The following LRRTM4 variants were observed in gnomAD, a reference collection of about 807,000 sequenced individuals.
LRRTM4 encodes the protein leucine-rich repeat transmembrane neuronal protein 4.
LRRTM4 carries 25 observed loss-of-function variants against 47.6 expected under a neutral mutation model. The ratio of observed to expected loss-of-function variants is 0.53; its 90% CI spans 0.38 to 0.73. LRRTM4 has a LOEUF of 0.73. Among genes scored for constraint, LRRTM4 ranks in the 30% least tolerant of loss-of-function variants. The probability of loss-of-function intolerance (pLI) is 0.00; values close to 1 mark genes in which losing one functional copy is unlikely to be tolerated. For missense variants in LRRTM4, 638 were observed against 713.4 expected (o/e 0.89, Z 1.20); for synonymous variants, 311 against 269.5 (o/e 1.15, Z -1.51).
In LRRTM4 at chr2:77,477,871, AAGAAAGAAAG is replaced by A. The variant is rs1214727893; in HGVS notation, c.1551+40437_1551+40446del. Among the ~76,000 whole-genome samples, 8 of 145,010 alleles carry A rather than the reference AAGAAAGAAAG, an allele frequency of 5.5e-5. 1 individual carries two copies. Among genetic ancestry groups the A allele is most frequent in the Non-Finnish European group, 1.2e-4 (8 of 66,544 alleles). ...AAAAAAAAAAAGAAAGAGAGAGAGA[AAGAAAGAAAG>A]AGAAAGAAAGAAAAAGAAAGAAAAA... On this transcript the variant is annotated intron_variant, in intron 3 of 3. Transcript: ENST00000409884.
intron 3 of LRRTM4, among the ~76,000 whole-genome samples, chr2:77,452,627 G>A (rs1290025800): frequency 6.6e-6 from 1 of 152,104 alleles, no homozygotes; most frequent in African/African-American, 2.4e-5. Flanking sequence ...TCCCGCACTT[G>A]GTTTATTGCT....
At chr2:76,779,177 C>T (rs145308283) in intron 3 of LRRTM4, among the ~76,000 whole-genome samples, 1,883 of 152,054 alleles carry the variant, frequency 0.012, 42 homozygotes, top group African/African-American at 0.042. Context: ...AGCTTTACTT[C>T]CAAGTATGTG....
chr2:77,362,518 A>C (rs1672281222), intron 3 of LRRTM4, among the ~76,000 whole-genome samples: 1 of 152,188 alleles, frequency 6.6e-6, no homozygotes, highest in South Asian at 2.1e-4. Flanking sequence ...CTATGATCAC[A>C]AGCTGGTGCT....
At chr2:77,193,029 AG>A (rs1380393678) in intron 3 of LRRTM4, among the ~76,000 whole-genome samples, 1 of 152,232 alleles carries the variant, frequency 6.6e-6, no homozygotes, top group Non-Finnish European at 1.5e-5. Context: ...TGGTCCCGTA[AG>A]ATTATAATAG....
chr2:77,424,283 A>G (rs1400540244), intron 3 of LRRTM4, among the ~76,000 whole-genome samples: 2 of 151,448 alleles, frequency 1.3e-5, no homozygotes, highest in Non-Finnish European at 2.9e-5. Context: ...AGAAGCAATC[A>G]CTAGAAAACT....
intron 3 of LRRTM4, among the ~76,000 whole-genome samples, chr2:77,215,540 G>A (rs935445150): frequency 6.6e-6 from 1 of 151,862 alleles, no homozygotes. Context: ...ACTATTCTTG[G>A]TATCTCCTCA....
intron 3 of LRRTM4, among the ~76,000 whole-genome samples, chr2:76,836,306 C>T (rs1671511046): frequency 6.6e-6 from 1 of 151,816 alleles, no homozygotes; most frequent in African/African-American, 2.4e-5. Context: ...AAAGCAAGAC[C>T]TAATCAAGTT....
intron 3 of LRRTM4, among the ~76,000 whole-genome samples, chr2:76,785,074 A>G (rs1485377892): frequency 6.6e-6 from 1 of 152,094 alleles, no homozygotes; most frequent in East Asian, 1.9e-4. Flanking sequence ...AGTCTGCAAT[A>G]AACTATTAAG....
intron 3 of LRRTM4, among the ~76,000 whole-genome samples, chr2:77,390,457 A>G (rs1209285798): frequency 6.6e-6 from 1 of 152,062 alleles, no homozygotes; most frequent in Non-Finnish European, 1.5e-5. Context: ...TTTCATACAA[A>G]TTGCACATTG....
chr2:77,229,901 C>G (rs1558644531), intron 3 of LRRTM4, among the ~76,000 whole-genome samples: 1 of 152,040 alleles, frequency 6.6e-6, no homozygotes. Context: ...AATATATCCC[C>G]CACTTGAACT....
At chr2:76,899,157 G>C (rs1329132023) in intron 3 of LRRTM4, among the ~76,000 whole-genome samples, 2 of 151,776 alleles carry the variant, frequency 1.3e-5, no homozygotes, top group Non-Finnish European at 2.9e-5. Context: ...ATATATATGA[G>C]TATGCATATA....
chr2:77,304,928 C>T (rs563219850), intron 3 of LRRTM4, among the ~76,000 whole-genome samples: 2 of 151,934 alleles, frequency 1.3e-5, no homozygotes, highest in Non-Finnish European at 2.9e-5. Flanking sequence ...GTTGTTAAAA[C>T]GATATCATTT....
intron 3 of LRRTM4, among the ~76,000 whole-genome samples, chr2:76,956,140 T>C (rs557723157): frequency 1.3e-5 from 2 of 151,682 alleles, no homozygotes; most frequent in African/African-American, 4.8e-5. Context: ...AGATATCCCA[T>C]ACAAATGATA....
chr2:77,357,273 C>T (rs554850257), intron 3 of LRRTM4, among the ~76,000 whole-genome samples: 1 of 151,970 alleles, frequency 6.6e-6, no homozygotes, highest in Non-Finnish European at 1.5e-5. Flanking sequence ...ATAAGAATAA[C>T]GTCTTACAAA....
intron 3 of LRRTM4, among the ~76,000 whole-genome samples, chr2:77,257,960 G>A (rs1313831182): frequency 6.6e-6 from 1 of 152,004 alleles, no homozygotes; most frequent in East Asian, 1.9e-4. Flanking sequence ...GCTGGGCGTG[G>A]TGGTGCATGC....
Position 77,055,957 on chromosome 2 carries a change from G to A in LRRTM4, c.1552-307041C>T, listed in dbSNP as rs573074225. Reference sequence around the variant, plus strand: ...TTGCAAGAACAAAAAACCAAACACCGCATATTCTCACTCATAGGTGGGAAT... The same window carrying A: ...TTGCAAGAACAAAAAACCAAACACCACATATTCTCACTCATAGGTGGGAAT... On this transcript the variant is annotated intron_variant, in intron 3 of 3. Coordinates refer to ENST00000409884, the MANE Select transcript of LRRTM4 (RefSeq NM_001134745.3). Among the ~76,000 whole-genome samples, 269 of 147,336 alleles carry A rather than the reference G, an allele frequency of 1.8e-3. 1 individual carries two copies. Among genetic ancestry groups the A allele is most frequent in the Middle Eastern group, 3.6e-3 (1 of 280 alleles).
chr2:76,832,318 A>G (rs1256682963), intron 3 of LRRTM4, among the ~76,000 whole-genome samples: 10 of 152,048 alleles, frequency 6.6e-5, no homozygotes, highest in African/African-American at 1.9e-4. Flanking sequence ...ATGTATTCAG[A>G]TTGATTAAAA....
intron 3 of LRRTM4, among the ~76,000 whole-genome samples, chr2:77,360,099 A>C (rs940685651): frequency 6.6e-6 from 1 of 152,192 alleles, no homozygotes. Flanking sequence ...ATTTTATCTT[A>C]AACTGTAATG....
intron 3 of LRRTM4, among the ~76,000 whole-genome samples, chr2:77,338,388 C>T (rs1488159360): frequency 1.3e-5 from 2 of 151,496 alleles, no homozygotes; most frequent in South Asian, 2.1e-4. Flanking sequence ...TAGACAAATC[C>T]ACAAGAAAAA....
Sources: allele counts gnomAD v4.1 joint callset (sites outside exome capture counted in the v4.1 genomes callset), GRCh38; gene constraint gnomAD v4.1.1; transcripts MANE v1.5; gene names NCBI Gene and HGNC (gene_info 2026-07-23, HGNC 2026-07-21).